The following FSTL4 variants were observed in gnomAD, a reference collection of about 807,000 sequenced individuals.
The protein encoded by FSTL4 is follistatin like 4, also known as follistatin-related protein 4.
FSTL4 carries 28 observed loss-of-function variants against 78.2 expected under a neutral mutation model. The ratio of observed to expected loss-of-function variants is 0.36; its 90% CI spans 0.27 to 0.49. The LOEUF (loss-of-function observed/expected upper bound fraction) is 0.49, where lower values mean the gene tolerates loss of function less well. Ranked by LOEUF, FSTL4 falls within the 20% of genes least tolerant of loss-of-function variation. FSTL4 has a pLI of 0.98. For missense variants in FSTL4, 922 were observed against 1,084.9 expected, an observed-to-expected ratio of 0.85 and a Z score of 2.11; for synonymous variants, 422 against 440.5, an observed-to-expected ratio of 0.96 and a Z score of 0.53.
intron 4 of FSTL4, among the ~76,000 whole-genome samples, chr5:133,355,826 C>T (rs1029992073): frequency 3.3e-5 from 5 of 152,132 alleles, no homozygotes; most frequent in South Asian, 2.1e-4. Flanking sequence ...TGTGCTGGTC[C>T]GTGCTCCCCT....
chr5:133,706,697 T>C, the FSTL4 span, among the ~76,000 whole-genome samples: 5 of 152,330 alleles, frequency 3.3e-5, no homozygotes, highest in Middle Eastern at 0.017. Context: ...CATGTACTTC[T>C]GACCAGCCCA....
In FSTL4 at chr5:133,225,153, TC is replaced by T; in HGVS notation, c.1308del (p.Thr437ProfsTer48). 1 of 1,614,078 alleles carries T rather than the reference TC, an allele frequency of 6.2e-7. No homozygotes were observed. Among genetic ancestry groups the T allele is most frequent in the Non-Finnish European group, 8.5e-7 (1 of 1,180,004 alleles). On this transcript the variant is annotated frameshift_variant, in exon 10 of 16. Transcript: ENST00000265342. LOFTEE classifies it high-confidence loss of function. This position sits in a 1 kb window ranked among gnomAD's most constrained non-coding sequence, Gnocchi z 4.6. The part of the protein sequence containing the change: ...SSLFIEDSAR[K>X]TLANILWREE... ...GCATAAACGCGTGTCGACTTACGGG[TC>T]TTTCTAGCTGAGTCTTCAATGAAGA...
At chr5:133,265,779 T>A (rs1010605372) in intron 6 of FSTL4, among the ~76,000 whole-genome samples, 1 of 152,116 alleles carries the variant, frequency 6.6e-6, no homozygotes, top group African/African-American at 2.4e-5. Context: ...ATGCTGGACC[T>A]GATGCCACTG....
intron 3 of FSTL4, among the ~76,000 whole-genome samples, chr5:133,540,059 T>C (rs947806252): frequency 4.6e-5 from 7 of 151,856 alleles, no homozygotes; most frequent in African/African-American, 1.7e-4. Flanking sequence ...AAGGCCTTAA[T>C]AGAACAAAAA....
At chr5:133,323,106 G>A (rs1055948548) in intron 4 of FSTL4, among the ~76,000 whole-genome samples, 1 of 152,146 alleles carries the variant, frequency 6.6e-6, no homozygotes, top group African/African-American at 2.4e-5. Context: ...GGGGGACACA[G>A]ACTTCATCTT....
chr5:133,404,602 C>A (rs1756312256), intron 3 of FSTL4, among the ~76,000 whole-genome samples: 1 of 152,184 alleles, frequency 6.6e-6, no homozygotes, highest in African/African-American at 2.4e-5. Flanking sequence ...AAGACTCCCT[C>A]TGTGATCTGA....
chr5:133,417,408 T>C (rs1756598208), intron 3 of FSTL4, among the ~76,000 whole-genome samples: 1 of 151,904 alleles, frequency 6.6e-6, no homozygotes, highest in South Asian at 2.1e-4. Flanking sequence ...AGGACCAACA[T>C]ACATGTAATT....
chr5:133,742,961 CTGTT>C, the FSTL4 span, among the ~76,000 whole-genome samples: 5 of 152,104 alleles, frequency 3.3e-5, no homozygotes, highest in African/African-American at 1.2e-4. Flanking sequence ...CCGGGTGTGA[CTGTT>C]TGTGGCTTTT....
intron 6 of FSTL4, among the ~76,000 whole-genome samples, chr5:133,272,056 G>A (rs1466940065): frequency 6.6e-6 from 1 of 152,198 alleles, no homozygotes. Context: ...CTCATGGTAC[G>A]CAACAGTTCC....
chr5:133,680,206 T>A, the FSTL4 span, among the ~76,000 whole-genome samples: 1 of 152,336 alleles, frequency 6.6e-6, no homozygotes, highest in South Asian at 2.1e-4. Flanking sequence ...TTTCATTCAT[T>A]TGCTTGTATG....
the FSTL4 span, among the ~76,000 whole-genome samples, chr5:133,651,869 T>A: frequency 6.6e-6 from 1 of 152,206 alleles, no homozygotes; most frequent in Non-Finnish European, 1.5e-5. Flanking sequence ...TATAATTTTT[T>A]CCTTAAATGT....
chr5:133,309,088 A>G (rs1038435151), intron 6 of FSTL4, among the ~76,000 whole-genome samples: 6 of 152,226 alleles, frequency 3.9e-5, no homozygotes, highest in African/African-American at 1.4e-4. Flanking sequence ...AAAACCATGC[A>G]TCATCAAGAA....
chr5:133,710,201 GA>G, the FSTL4 span, among the ~76,000 whole-genome samples: 1 of 152,166 alleles, frequency 6.6e-6, no homozygotes. Flanking sequence ...TTGGATAAGG[GA>G]AAAATGGACT....
chr5:133,653,087 C>T, the FSTL4 span, among the ~76,000 whole-genome samples: 1 of 152,170 alleles, frequency 6.6e-6, no homozygotes, highest in Admixed American at 6.5e-5. Flanking sequence ...ATAACACATA[C>T]ACCTACATGC....
the FSTL4 span, among the ~76,000 whole-genome samples, chr5:133,687,280 G>A: frequency 6.6e-6 from 1 of 152,232 alleles, no homozygotes; most frequent in Non-Finnish European, 1.5e-5. Context: ...TGTGTGGACT[G>A]GACTGGGGAG....
the FSTL4 span, among the ~76,000 whole-genome samples, chr5:133,765,718 G>A: frequency 6.6e-6 from 1 of 152,236 alleles, no homozygotes; most frequent in African/African-American, 2.4e-5. Context: ...GACAGGCACC[G>A]GCAAATGTGG....
At chr5:133,713,922 A>G in the FSTL4 span, among the ~76,000 whole-genome samples, 12 of 152,130 alleles carry the variant, frequency 7.9e-5, no homozygotes, top group Non-Finnish European at 1.0e-4. Flanking sequence ...CCTGGCCACA[A>G]AGGGAGCCCG....
At chr5:133,504,766 T>G (rs1273154025) in intron 3 of FSTL4, among the ~76,000 whole-genome samples, 1 of 152,224 alleles carries the variant, frequency 6.6e-6, no homozygotes, top group Non-Finnish European at 1.5e-5. Flanking sequence ...TTGGCCTTCA[T>G]GCCACTTCCT....
chr5:133,464,839 G>A (rs370697543), intron 3 of FSTL4, among the ~76,000 whole-genome samples: 16 of 152,230 alleles, frequency 1.1e-4, no homozygotes, highest in Middle Eastern at 3.4e-3. Flanking sequence ...AAAATATAGC[G>A]GACTCAACTA....
Sources: allele counts gnomAD v4.1 joint callset (sites outside exome capture counted in the v4.1 genomes callset), GRCh38; gene constraint gnomAD v4.1.1; non-coding constraint Gnocchi (gnomAD v3.1); transcripts MANE v1.5; gene names NCBI Gene and HGNC (gene_info 2026-07-23, HGNC 2026-07-21).